MUC15: variants seen among roughly 807,000 people sequenced by gnomAD.
MUC15 encodes the protein mucin-15.
Under a neutral mutation model 24.0 loss-of-function variants are expected in MUC15, and 23 were observed. That is an observed-to-expected ratio of 0.96 (90% CI 0.69 to 1.36). The LOEUF (loss-of-function observed/expected upper bound fraction) is 1.36. MUC15 is among the 40% of genes most tolerant of loss of function. MUC15 has a pLI of 0.00. For missense variants in MUC15, 442 were observed against 428.2 expected (o/e 1.03, Z -0.29); for synonymous variants, 151 against 156.3 (o/e 0.97, Z 0.25).
chr11:26,565,316 G>T lies in MUC15; in HGVS notation c.624C>A (p.Thr208=). Reference sequence around the variant, plus strand: ...ATCCACTTGGTTCCACTATCAAGGGGGTCACAGATGGAGAAGTTGGTTCTG... The same window carrying T: ...ATCCACTTGGTTCCACTATCAAGGGTGTCACAGATGGAGAAGTTGGTTCTG... ...LSSEPTSPSV[T]PLIVEPSGWL... The change falls in exon 3 of 5, where the codon ACC becomes ACA. Residue 208 remains threonine, a synonymous_variant. Transcript: ENST00000529533. The T allele has an allele frequency of 6.2e-7, 1 of 1,610,918 alleles. No individual in the cohort carries two copies. Among genetic ancestry groups the T allele is most frequent in the Non-Finnish European group, 8.5e-7 (1 of 1,178,158 alleles).
intron 2 of MUC15, among the ~76,000 whole-genome samples, chr11:26,566,685 G>T (rs1002124684): frequency 6.6e-6 from 1 of 151,730 alleles, no homozygotes; most frequent in Non-Finnish European, 1.5e-5. Flanking sequence ...TTGCAGATTG[G>T]GTCCTGATCT....
At chr11:26,566,962 C>A in intron 2 of MUC15, 90 bp downstream of exon 2, 1 of 1,165,990 alleles carries the variant, frequency 8.6e-7, no homozygotes, top group South Asian at 2.7e-5. Flanking sequence ...TTAATAGATG[C>A]TAACCTCCAT....
At chr11:26,569,949 G>T (rs1850753915) in intron 1 of MUC15, among the ~76,000 whole-genome samples, 1 of 151,918 alleles carries the variant, frequency 6.6e-6, no homozygotes, top group Non-Finnish European at 1.5e-5. Context: ...GCCTCTTTTT[G>T]CATCTGGGTG....
intron 2 of MUC15, among the ~76,000 whole-genome samples, chr11:26,566,477 A>G (rs1367390142): frequency 6.6e-6 from 1 of 151,994 alleles, no homozygotes; most frequent in Non-Finnish European, 1.5e-5. Context: ...AATTAATACT[A>G]GTCATGAAAT....
At position 26,565,708 on chromosome 11, in the gene MUC15, T is replaced by G; in HGVS notation, c.232A>C (p.Ser78Arg). 6.2e-7 allele frequency: 1 copy of G among 1,613,020 alleles called. No individual in the cohort carries two copies. Among genetic ancestry groups the G allele is most frequent in the Admixed American group, 1.7e-5 (1 of 59,812 alleles). ...TTATCTGAGTTTAAGTTTGCTTCAC[T>G]TTCCAAAGAAATAGGTTTATTTTCC... ...TMENKPISLE[S>R]EANLNSDKEN... is the part of the protein sequence containing the mutation. The change falls in exon 3 of 5, where the codon AGT becomes CGT. Residue 78 changes from serine to arginine, a missense_variant. By Grantham distance (110) the Ser-to-Arg change is moderately radical. Transcript: ENST00000529533.
In MUC15 at chr11:26,559,835, T is replaced by TACACACACACACACAC; in HGVS notation, c.*1214_*1229dup. The stretch of plus-strand genomic sequence containing the variant: ...TTATTTTCTGAAGCTGTTTCTGTGT[T>TACACACACACACACAC]ACACACACACACACACACACACACA... On this transcript the variant is annotated 3_prime_UTR_variant, in exon 5 of 5. Coordinates refer to ENST00000529533, the MANE Select transcript of MUC15 (RefSeq NM_001135091.2). The TACACACACACACACAC allele has an allele frequency of 4.5e-6, 3 of 661,942 alleles. No homozygotes were observed. Among genetic ancestry groups the TACACACACACACACAC allele is most frequent in the Admixed American group, 4.1e-5 (2 of 49,380 alleles). The allele number at this position is 661,942 out of a possible 1,614,324, so 41.0% of individuals were successfully genotyped here.
At position 26,565,896 on chromosome 11, in the gene MUC15, T is replaced by A; in HGVS notation, c.44A>T (p.Tyr15Phe). ...TGGTATTGGTTTTTTTTTAAAGGAA[T>A]CTGAAAGAAAATAACCATAATTTGA... ...QSILATSRDC[Y>F]SFKKKPIPKK... Residue 15 changes from tyrosine to phenylalanine, a missense_variant and splice_region_variant, in exon 3 of 5, where the codon TAT (tyrosine) becomes TTT (phenylalanine). Tyr to Phe is a conservative substitution (Grantham distance 22, BLOSUM62 3). Coordinates refer to ENST00000529533, the MANE Select transcript of MUC15 (RefSeq NM_001135091.2). The A allele has an allele frequency of 1.3e-6, 2 of 1,570,406 alleles. No individual in the cohort carries two copies. Among genetic ancestry groups the A allele is most frequent in the African/African-American group, 1.4e-5 (1 of 72,200 alleles).
chr11:26,565,665 G>A lies in MUC15; in HGVS notation c.275C>T (p.Ser92Leu), dbSNP rs771144568. ...LNSDKENITTSNLKASHSPPL... is the reference protein window; with the variant it reads ...LNSDKENITTLNLKASHSPPL... ...AGGGGAATGACTCGCCTTGAGATTT[G>A]AGGTGGTTATATTTTCTTTATCTGA... The change falls in exon 3 of 5, where the codon TCA becomes TTA. Residue 92 changes from serine (S) to leucine (L), a missense_variant. Coordinates refer to ENST00000529533, the MANE Select transcript of MUC15 (RefSeq NM_001135091.2). 3 of 1,606,978 alleles carry A rather than the reference G, an allele frequency of 1.9e-6. No individual in the cohort carries two copies. The South Asian group carries it at 3.3e-5, about 18-fold the overall frequency.
chr11:26,560,965 C>T lies in MUC15; in HGVS notation c.*100G>A. 4 of 1,182,340 alleles carry T rather than the reference C, an allele frequency of 3.4e-6. No homozygotes were observed. In the Middle Eastern group the frequency reaches 8.0e-4, roughly 236 times the overall value. The allele number at this position is 1,182,340 out of a possible 1,614,324, so 73.2% of individuals were successfully genotyped here. On this transcript the variant is annotated 3_prime_UTR_variant, in exon 5 of 5. Transcript: ENST00000529533. ...CTTTTATGATTCTCCTTGACAAAATCCACGTGACAGTAATTTTGTGTAACC... is the reference window on the plus strand; with the variant it reads ...CTTTTATGATTCTCCTTGACAAAATTCACGTGACAGTAATTTTGTGTAACC...
At position 26,565,602 on chromosome 11, in the gene MUC15, T is replaced by A; in HGVS notation, c.338A>T (p.Asp113Val). 6.2e-7 allele frequency: 1 copy of A among 1,613,218 alleles called. No homozygotes were observed. Among genetic ancestry groups the A allele is most frequent in the Non-Finnish European group, 8.5e-7 (1 of 1,179,548 alleles). Residue 113 changes from aspartate to valine, a missense_variant, in exon 3 of 5, where the codon GAT becomes GTT. Physicochemically the swap from Asp to Val is radical, Grantham distance 152. Transcript: ENST00000529533. ...CTCTGCTGATGAGTTACTGGAGAAATCTGTTATTCCGTGGCTGTTGTTGGG... is the reference window on the plus strand; with the variant it reads ...CTCTGCTGATGAGTTACTGGAGAAAACTGTTATTCCGTGGCTGTTGTTGGG... ...NLPNNSHGITDFSSNSSAEHS... is the reference protein window; with the variant it reads ...NLPNNSHGITVFSSNSSAEHS...
chr11:26,563,585 A>G (rs1438284718), intron 3 of MUC15, among the ~76,000 whole-genome samples: 2 of 151,920 alleles, frequency 1.3e-5, no homozygotes, highest in Non-Finnish European at 2.9e-5. Context: ...CTGAAATGCC[A>G]TGTGCATACT....
rs770577331 is a variant in MUC15, at chr11:26,565,296, C to A, written c.644G>T (p.Ser215Ile). Residue 215 changes from serine to isoleucine, a missense_variant, in exon 3 of 5, where the codon AGT becomes ATT. Transcript: ENST00000529533. Reference sequence around the variant, plus strand: ...ATCACTGTTTGTGGTAAGCCATCCACTTGGTTCCACTATCAAGGGGGTCAC... The same window carrying A: ...ATCACTGTTTGTGGTAAGCCATCCAATTGGTTCCACTATCAAGGGGGTCAC... ...PSVTPLIVEP[S>I]GWLTTNSDSF... is the part of the protein sequence containing the mutation. The A allele has an allele frequency of 6.2e-7, 1 of 1,608,726 alleles. No individual in the cohort carries two copies. The highest frequency in any genetic ancestry group is 1.1e-5 in the South Asian group (1 of 90,458).
At chr11:26,561,254 C>T (rs200184892) in intron 4 of MUC15, 29 bp from the exon 5 acceptor site, 1 of 1,538,922 alleles carries the variant, frequency 6.5e-7, no homozygotes, top group Non-Finnish European at 8.8e-7. Flanking sequence ...AATACTGTTT[C>T]ACAGTGATAC....
chr11:26,559,506 G>C lies in MUC15; in HGVS notation c.*1559C>G. 1.9e-6 allele frequency: 1 copy of C among 513,762 alleles called. No homozygotes were observed. The allele number at this position is 513,762 out of a possible 1,614,324, so 31.8% of individuals were successfully genotyped here. A position where few individuals can be genotyped will look rare whatever the true frequency, so the allele number is the denominator to read the frequency against. The stretch of plus-strand genomic sequence containing the variant: ...TAAAGGGAATCAAGAGAGGAGAGAA[G>C]AGGGCTAATGTTGTTTCTTCACCTC... On this transcript the variant is annotated 3_prime_UTR_variant, in exon 5 of 5. Coordinates refer to ENST00000529533, the MANE Select transcript of MUC15 (RefSeq NM_001135091.2).
intron 1 of MUC15, among the ~76,000 whole-genome samples, chr11:26,569,598 G>A (rs548178331): frequency 6.6e-6 from 1 of 152,194 alleles, no homozygotes; most frequent in Admixed American, 6.5e-5. Context: ...TTGACCTCAT[G>A]CCAACTGAAC....
Position 26,560,763 on chromosome 11 carries a change from G to A in MUC15, c.*302C>T, listed in dbSNP as rs1387892661. ...TTTTTATTATTTAGTTATGAGGCAG[G>A]GCTGTAATGGTGAAATCTTTTAGTT... is the stretch of plus-strand genomic sequence containing the variant. On this transcript the variant is annotated 3_prime_UTR_variant, in exon 5 of 5. Transcript: ENST00000529533. 1 of 246,828 alleles carries A rather than the reference G, an allele frequency of 4.1e-6. No individual in the cohort carries two copies. Among genetic ancestry groups the A allele is most frequent in the African/African-American group, 2.3e-5 (1 of 43,490 alleles). 15.3% of individuals were successfully genotyped at this position (246,828 alleles called of 1,614,324 possible). A position where few individuals can be genotyped will look rare whatever the true frequency, so the allele number is the denominator to read the frequency against.
chr11:26,567,237 A>T (rs1850624403), intron 1 of MUC15, 98 bp from the exon 2 acceptor site: 2 of 738,638 alleles, frequency 2.7e-6, no homozygotes, highest in South Asian at 5.4e-5. Flanking sequence ...AATTTACTTT[A>T]AAAAAATAGA....
Position 26,559,864 on chromosome 11 carries a change from A to G in MUC15, c.*1201T>C, listed in dbSNP as rs1449216076. On this transcript the variant is annotated 3_prime_UTR_variant, in exon 5 of 5. Coordinates refer to ENST00000529533, the MANE Select transcript of MUC15 (RefSeq NM_001135091.2). ...CACACACACACACACACACACACACACACACACACACCATGAATCAATTCA... is the reference window on the plus strand; with the variant it reads ...CACACACACACACACACACACACACGCACACACACACCATGAATCAATTCA... The G allele has an allele frequency of 8.8e-6, 8 of 909,634 alleles. No homozygotes were observed. The African/African-American group carries it at 9.8e-5, about 11-fold the overall frequency. 56.3% of individuals were successfully genotyped at this position (909,634 alleles called of 1,614,324 possible).
chr11:26,560,689 G>C lies in MUC15; in HGVS notation c.*376C>G, dbSNP rs963453486. The C allele has an allele frequency of 6.2e-6, 1 of 162,182 alleles. No homozygotes were observed. Among genetic ancestry groups the C allele is most frequent in the African/African-American group, 2.4e-5 (1 of 41,614 alleles). 10.0% of individuals were successfully genotyped at this position (162,182 alleles called of 1,614,324 possible). A position where few individuals can be genotyped will look rare whatever the true frequency, so the allele number is the denominator to read the frequency against. Reference sequence around the variant, plus strand: ...AATTATGGTACTAGGGCTTCAGGCAGAGCAGTAAAGAGTCATCTTCATTGT... The same window carrying C: ...AATTATGGTACTAGGGCTTCAGGCACAGCAGTAAAGAGTCATCTTCATTGT... On this transcript the variant is annotated 3_prime_UTR_variant, in exon 5 of 5. Transcript: ENST00000529533.
Sources: gnomAD v4.1 joint callset for allele counts (sites outside exome capture counted in the v4.1 genomes callset) on GRCh38, gnomAD v4.1.1 for gene constraint, MANE v1.5 for transcripts, NCBI Gene and HGNC (gene_info 2026-07-23, HGNC 2026-07-21) for gene names.